Variants in FAM228B observed in about 807,000 individuals in gnomAD.
The protein encoded by FAM228B is protein FAM228B.
In FAM228B, 38 loss-of-function variants were observed where a neutral mutation model predicts 42.6. The ratio of observed to expected loss-of-function variants is 0.89; its 90% CI spans 0.69 to 1.17. The LOEUF (loss-of-function observed/expected upper bound fraction) is 1.17, where lower values mean the gene tolerates loss of function less well. Ranked by LOEUF, FAM228B falls within the 50% of genes most tolerant of loss-of-function variation. The pLI is 0.00. For synonymous variants in FAM228B, 109 were observed against 122.3 expected, an observed-to-expected ratio of 0.89 and a Z score of 0.72; for missense variants, 344 against 367.3, an observed-to-expected ratio of 0.94 and a Z score of 0.52.
In FAM228B at chr2:24,159,121, T is replaced by C. The variant is rs1374175611; in HGVS notation, c.687-2385T>C. Among the ~76,000 whole-genome samples the C allele has an allele frequency of 3.3e-5, 5 of 152,352 alleles. No individual in the cohort carries two copies. The East Asian group carries it at 9.6e-4, about 29-fold the overall frequency. On this transcript the variant is annotated intron_variant, in intron 7 of 10. Transcript: ENST00000615575. ...CTGATAAGGACACCTATCAGTGGGTTAGGGTCCAACACCCTAATCTACTGT... is the reference window on the plus strand; with the variant it reads ...CTGATAAGGACACCTATCAGTGGGTCAGGGTCCAACACCCTAATCTACTGT...
intron 2 of FAM228B, among the ~76,000 whole-genome samples, chr2:24,083,710 T>C (rs1259355107): frequency 6.6e-6 from 1 of 152,126 alleles, no homozygotes; most frequent in Non-Finnish European, 1.5e-5. Flanking sequence ...AGAAGAAAAT[T>C]CTTAAGAGTA....
At chr2:24,115,663 C>G in intron 3 of FAM228B, 1 of 1,562,782 alleles carries the variant, frequency 6.4e-7, no homozygotes, top group Non-Finnish European at 8.8e-7. Flanking sequence ...ATTATCACTA[C>G]AAATGATTCA....
At chr2:24,079,377 G>A (rs1175017970) in intron 1 of FAM228B, 7 of 1,525,346 alleles carry the variant, frequency 4.6e-6, no homozygotes, top group South Asian at 2.4e-5. Context: ...TTCCTTTCTC[G>A]GGGTAATGTA....
chr2:24,097,538 G>A (rs1665524493), intron 3 of FAM228B: 1 of 151,520 alleles, frequency 6.6e-6, no homozygotes, highest in Non-Finnish European at 1.5e-5. Flanking sequence ...AAGAGACAAG[G>A]CCATTACATA....
At chr2:24,083,668 A>C (rs1413996060) in intron 2 of FAM228B, among the ~76,000 whole-genome samples, 3 of 152,166 alleles carry the variant, frequency 2.0e-5, no homozygotes, top group Admixed American at 2.0e-4. Context: ...CAACCAATGC[A>C]GCTGGCCCAG....
intron 7 of FAM228B, among the ~76,000 whole-genome samples, chr2:24,149,198 A>G (rs1352285568): frequency 1.3e-5 from 2 of 152,232 alleles, no homozygotes; most frequent in African/African-American, 2.4e-5. Flanking sequence ...GAGTGCAGAT[A>G]TCTTTTCAAT....
chr2:24,119,571 A>G, upstream of FAM228B: 1 of 1,610,974 alleles, frequency 6.2e-7, no homozygotes, highest in Non-Finnish European at 8.5e-7. Context: ...TAGGAGGCCA[A>G]CTTACCCAGG....
Position 24,124,375 on chromosome 2 carries a change from A to T in FAM228B, c.14A>T (p.Asp5Val). 1.3e-6 allele frequency: 2 copies of T among 1,549,316 alleles called. No homozygotes were observed. Among genetic ancestry groups the T allele is most frequent in the Non-Finnish European group, 1.7e-6 (2 of 1,146,082 alleles). Residue 5 changes from aspartate (D) to valine (V), a missense_variant, in exon 2 of 11, where the codon GAC becomes GTC. Transcript: ENST00000615575. ...TTTGTGACCACAATGAAAAATGTAG[A>T]CAGTGATGATCTGGTAACTGGCACA... MKNVDSDDLVTGTLP... is the reference protein window; with the variant it reads MKNVVSDDLVTGTLP...
At chr2:24,090,141 G>A (rs4665655) in intron 2 of FAM228B, among the ~76,000 whole-genome samples, 2,950 of 151,882 alleles carry the variant, frequency 0.019, 298 homozygotes, top group Admixed American at 0.17. Flanking sequence ...GGTGGCTGGC[G>A]CCTGTAGTCC....
chr2:24,096,570 G>A (rs1474002608), intron 3 of FAM228B: 3 of 152,150 alleles, frequency 2.0e-5, no homozygotes, highest in Non-Finnish European at 4.4e-5. Flanking sequence ...AAGCAAATAA[G>A]ACAAGGTTAC....
intron 3 of FAM228B, among the ~76,000 whole-genome samples, chr2:24,118,397 C>G (rs961820316): frequency 3.3e-5 from 5 of 152,210 alleles, no homozygotes; most frequent in Non-Finnish European, 5.9e-5. Context: ...AGATTCAGCT[C>G]TCTGGCGCCT....
intron 3 of FAM228B, among the ~76,000 whole-genome samples, chr2:24,100,408 A>G (rs1364142429): frequency 6.6e-6 from 1 of 151,974 alleles, no homozygotes; most frequent in Admixed American, 6.6e-5. Flanking sequence ...CAAATAACTC[A>G]AACAAATTTA....
intron 2 of FAM228B, among the ~76,000 whole-genome samples, chr2:24,131,748 C>T (rs927305216): frequency 1.3e-5 from 2 of 152,184 alleles, no homozygotes; most frequent in Non-Finnish European, 2.9e-5. Context: ...ATGGGGTTTT[C>T]TAAATATAGA....
intron 7 of FAM228B, among the ~76,000 whole-genome samples, chr2:24,151,313 G>A (rs1573777840): frequency 6.6e-6 from 1 of 151,114 alleles, no homozygotes; most frequent in East Asian, 1.9e-4. Context: ...TTGAGACAGA[G>A]TCTTGCTCTG....
chr2:24,138,934 A>G (rs1307941444), intron 4 of FAM228B, among the ~76,000 whole-genome samples: 1 of 144,238 alleles, frequency 6.9e-6, no homozygotes, highest in Non-Finnish European at 1.5e-5. Context: ...TGATGGAGCA[A>G]GACTCTGTCT....
chr2:24,082,017 C>A lies in FAM228B; in HGVS notation c.-210+1062C>A, dbSNP rs188108914. Among the ~76,000 whole-genome samples the A allele has an allele frequency of 7.5e-3, 1,135 of 152,094 alleles. 5 individuals carry two copies. Among genetic ancestry groups the A allele is most frequent in the African/African-American group, 0.026 (1,082 of 41,474 alleles). ...GCCTACTCTTTCTTTTTCTTTGAGA[C>A]AGAGTCTCACTCTACTGCCCAGGCT... On this transcript the variant is annotated intron_variant, in intron 2 of 10. Coordinates refer to the FAM228B transcript ENST00000613899.
intron 3 of FAM228B, among the ~76,000 whole-genome samples, chr2:24,110,302 G>C (rs1665768646): frequency 6.6e-6 from 1 of 152,114 alleles, no homozygotes; most frequent in Admixed American, 6.6e-5. Context: ...TGGGAGGAGG[G>C]AGGGGATCAG....
chr2:24,110,933 G>A (rs575948081), intron 3 of FAM228B, among the ~76,000 whole-genome samples: 17 of 152,264 alleles, frequency 1.1e-4, no homozygotes, highest in Middle Eastern at 3.4e-3. Context: ...AAATTGAATC[G>A]TAGGACACTT....
intron 2 of FAM228B, among the ~76,000 whole-genome samples, chr2:24,132,465 T>C (rs12995192): frequency 1.4e-5 from 1 of 71,088 alleles, no homozygotes; most frequent in Non-Finnish European, 2.6e-5. Flanking sequence ...CCTGGGATTG[T>C]TTTTTTTTTT....
Sources: allele counts gnomAD v4.1 joint callset (sites outside exome capture counted in the v4.1 genomes callset), GRCh38; gene constraint gnomAD v4.1.1; transcripts MANE v1.5; gene names NCBI Gene and HGNC (gene_info 2026-07-23, HGNC 2026-07-21).